Variants in LHPP observed in about 807,000 individuals in gnomAD.
The protein encoded by LHPP is phospholysine phosphohistidine inorganic pyrophosphate phosphatase.
In LHPP, 24 loss-of-function variants were observed where a neutral mutation model predicts 30.3. The ratio of observed to expected loss-of-function variants is 0.79; its 90% CI spans 0.57 to 1.11. The LOEUF is 1.11. Ranked by LOEUF, LHPP falls within the 50% of genes most tolerant of loss-of-function variation. The pLI is 0.00. For synonymous variants in LHPP, 150 were observed against 157.1 expected, an observed-to-expected ratio of 0.95 and a Z score of 0.34; for missense variants, 356 against 367.2, an observed-to-expected ratio of 0.97 and a Z score of 0.25.
intron 6 of LHPP, among the ~76,000 whole-genome samples, chr10:124,549,168 G>A (rs185497053): frequency 7.9e-5 from 12 of 152,288 alleles, no homozygotes; most frequent in African/African-American, 2.6e-4. Context: ...CAGGCACAGT[G>A]GCTCACATCT....
chr10:124,525,734 G>T (rs569741491), intron 6 of LHPP, among the ~76,000 whole-genome samples: 1 of 152,212 alleles, frequency 6.6e-6, no homozygotes, highest in Admixed American at 6.5e-5. Flanking sequence ...CCTGCCTTCT[G>T]TTGGCTGCTG....
intron 1 of LHPP, among the ~76,000 whole-genome samples, chr10:124,477,022 A>G (rs1952971040): frequency 6.6e-6 from 1 of 152,206 alleles, no homozygotes; most frequent in African/African-American, 2.4e-5. Flanking sequence ...CCTAGCCAAC[A>G]TAGCGAAACC....
chr10:124,612,002 C>T (rs1564853830), intron 6 of LHPP, among the ~76,000 whole-genome samples: 1 of 152,326 alleles, frequency 6.6e-6, no homozygotes, highest in East Asian at 1.9e-4. Context: ...CAAGCTCCAG[C>T]GGCACCTCTG....
At chr10:124,607,748 T>G (rs1589716908) in intron 6 of LHPP, among the ~76,000 whole-genome samples, 1 of 152,180 alleles carries the variant, frequency 6.6e-6, no homozygotes, top group East Asian at 1.9e-4. Flanking sequence ...TTTGTTCCGC[T>G]TCGGGCAACA....
intron 6 of LHPP, among the ~76,000 whole-genome samples, chr10:124,539,152 G>A (rs952174536): frequency 2.6e-5 from 4 of 152,060 alleles, no homozygotes; most frequent in African/African-American, 4.8e-5. Context: ...CCTGTGGCTC[G>A]TCTGCCATCA....
rs144858573 is a variant in LHPP at position 124,605,124 on chromosome 10, A to G, written c.717-8140A>G. On this transcript the variant is annotated intron_variant, in intron 6 of 6. Coordinates refer to ENST00000368842, the MANE Select transcript of LHPP (RefSeq NM_022126.4). The stretch of plus-strand genomic sequence containing the variant: ...CCATTTTCCTTCGATTGGTACAAAG[A>G]CTGTCCCTGTGAAGCTGGCCAGGCC... 1,437 of 152,392 alleles carry G rather than the reference A, an allele frequency of 9.4e-3. 20 individuals are homozygous for G. The highest frequency in any genetic ancestry group is 0.012 in the Non-Finnish European group (790 of 68,090). 9.4% of individuals were successfully genotyped at this position (152,392 alleles called of 1,614,324 possible). A position where few individuals can be genotyped will look rare whatever the true frequency, so the allele number is the denominator to read the frequency against.
chr10:124,482,384 C>T (rs970933316), intron 1 of LHPP, among the ~76,000 whole-genome samples: 1 of 152,174 alleles, frequency 6.6e-6, no homozygotes, highest in African/African-American at 2.4e-5. Flanking sequence ...GTGTGTGTTT[C>T]GGGACCTGTC....
chr10:124,560,172 C>G (rs1422370218), intron 6 of LHPP, among the ~76,000 whole-genome samples: 3 of 152,212 alleles, frequency 2.0e-5, no homozygotes. Context: ...AGAGAGGACT[C>G]TTTCTTGGTT....
At position 124,613,609 on chromosome 10, in the gene LHPP, C is replaced by A; in HGVS notation, c.*249C>A. On this transcript the variant is annotated 3_prime_UTR_variant, in exon 7 of 7. Transcript: ENST00000368842. ...CCTACCTGGGTGGCCTGCTCCCCTG[C>A]CTGGGCCCTGACTTCAGCTCCCTGT... 1.8e-6 allele frequency: 1 copy of A among 562,454 alleles called. No individual in the cohort carries two copies. The highest frequency in any genetic ancestry group is 3.0e-5 in the Admixed American group (1 of 32,896). 34.8% of individuals were successfully genotyped at this position (562,454 alleles called of 1,614,324 possible). A position where few individuals can be genotyped will look rare whatever the true frequency, so the allele number is the denominator to read the frequency against.
At chr10:124,537,534 A>G (rs2133939815) in intron 6 of LHPP, among the ~76,000 whole-genome samples, 1 of 152,354 alleles carries the variant, frequency 6.6e-6, no homozygotes, top group Middle Eastern at 3.4e-3. Flanking sequence ...GGCCTGCAGC[A>G]GACACCATGA....
At chr10:124,612,127 G>A (rs949470534) in intron 6 of LHPP, among the ~76,000 whole-genome samples, 1 of 152,176 alleles carries the variant, frequency 6.6e-6, no homozygotes, top group South Asian at 2.1e-4. Context: ...ATGGGGGCCG[G>A]GCACGGTGGC....
intron 1 of LHPP, among the ~76,000 whole-genome samples, chr10:124,463,479 C>T (rs1952464497): frequency 6.6e-6 from 1 of 152,070 alleles, no homozygotes. Flanking sequence ...TCTCCTGCCT[C>T]AGCCTCCCAA....
chr10:124,564,678 G>A (rs368785927), intron 6 of LHPP, among the ~76,000 whole-genome samples: 27 of 152,314 alleles, frequency 1.8e-4, no homozygotes, highest in African/African-American at 5.1e-4. Context: ...AGTGAGAGAC[G>A]GATGTGTAAG....
chr10:124,571,212 G>C (rs541953652), intron 6 of LHPP, among the ~76,000 whole-genome samples: 62 of 152,304 alleles, frequency 4.1e-4, no homozygotes, highest in African/African-American at 1.4e-3. Context: ...TATCAGCAGT[G>C]TGAAAACGGA....
At chr10:124,509,139 C>T (rs1371883466) in intron 5 of LHPP, among the ~76,000 whole-genome samples, 2 of 152,168 alleles carry the variant, frequency 1.3e-5, no homozygotes, top group African/African-American at 4.8e-5. Flanking sequence ...GTTTTCTGTT[C>T]CTGCATTAGT....
intron 6 of LHPP, among the ~76,000 whole-genome samples, chr10:124,584,700 G>A (rs779970717): frequency 1.5e-4 from 23 of 152,176 alleles, no homozygotes; most frequent in South Asian, 4.1e-4. Context: ...CATTCAGACC[G>A]TAGCAGGGAG....
At chr10:124,520,983 G>A (rs1305645001) in intron 6 of LHPP, among the ~76,000 whole-genome samples, 4 of 152,282 alleles carry the variant, frequency 2.6e-5, no homozygotes, top group East Asian at 1.9e-4. Flanking sequence ...TTTTGTTAAC[G>A]TGGCTACTAG....
chr10:124,484,003 AC>A (rs914500454), intron 1 of LHPP, 135 bp from the exon 2 acceptor site: 89 of 734,572 alleles, frequency 1.2e-4, no homozygotes, highest in Non-Finnish European at 1.9e-4. Flanking sequence ...ATCAGCCAGG[AC>A]CCCCTCAGGG....
chr10:124,570,285 C>CAGCTTCTT (rs1471369376), intron 6 of LHPP, among the ~76,000 whole-genome samples: 1 of 152,192 alleles, frequency 6.6e-6, no homozygotes, highest in Non-Finnish European at 1.5e-5. Context: ...GCCCTGTGCA[C>CAGCTTCTT]AGCTTCTTAA....
Sources: allele counts gnomAD v4.1 joint callset (sites outside exome capture counted in the v4.1 genomes callset), GRCh38; gene constraint gnomAD v4.1.1; transcripts MANE v1.5; gene names NCBI Gene and HGNC (gene_info 2026-07-23, HGNC 2026-07-21).